The following CELF2 variants were observed in gnomAD, a reference collection of about 807,000 sequenced individuals.
CELF2 encodes CUGBP Elav-like family member 2.
In CELF2, 8 loss-of-function variants were observed where a neutral mutation model predicts 62.6. The ratio of observed to expected loss-of-function variants is 0.13; its 90% CI spans 0.07 to 0.23. CELF2 has a LOEUF of 0.23. Among genes scored for constraint, CELF2 ranks in the 10% least tolerant of loss-of-function variants. CELF2 has a pLI of 1.00. For missense variants in CELF2, 333 were observed against 671.0 expected, an observed-to-expected ratio of 0.50 and a Z score of 5.56; for synonymous variants, 258 against 250.0, an observed-to-expected ratio of 1.03 and a Z score of -0.30.
the CELF2 span, among the ~76,000 whole-genome samples, chr10:10,481,746 T>C: frequency 6.6e-6 from 1 of 152,214 alleles, no homozygotes; most frequent in Admixed American, 6.5e-5. Flanking sequence ...TGTGTGATGA[T>C]TTTTTCCCTT....
rs1268991054 is a variant in CELF2 at position 11,333,431 on chromosome 10, A to G, written c.*4378A>G. ...AATTAGAGAATTGTGATACAATGGC[A>G]GTCCTCAAAGGCGTAACGAGTTCAT... On this transcript the variant is annotated 3_prime_UTR_variant, in exon 13 of 13. Coordinates refer to ENST00000633077, the MANE Select transcript of CELF2 (RefSeq NM_001326342.2). 1.3e-5 allele frequency: 2 copies of G among 152,638 alleles called. No individual in the cohort carries two copies. The highest frequency in any genetic ancestry group is 2.9e-5 in the Non-Finnish European group (2 of 68,038). The allele number at this position is 152,638 out of a possible 1,614,324, so 9.5% of individuals were successfully genotyped here.
At chr10:11,109,183 G>A (rs754430862) in intron 1 of CELF2, among the ~76,000 whole-genome samples, 3 of 152,220 alleles carry the variant, frequency 2.0e-5, no homozygotes, top group Non-Finnish European at 4.4e-5. Context: ...GTGGCAGTAA[G>A]TTACGGATCC....
chr10:10,651,728 C>G, the CELF2 span, among the ~76,000 whole-genome samples: 2 of 151,748 alleles, frequency 1.3e-5, no homozygotes, highest in East Asian at 3.9e-4. Flanking sequence ...TGTACATCAC[C>G]ATCATCAAAG....
intron 2 of CELF2, among the ~76,000 whole-genome samples, chr10:10,974,588 G>T (rs779901281): frequency 3.9e-5 from 6 of 152,190 alleles, no homozygotes; most frequent in Non-Finnish European, 7.3e-5. Flanking sequence ...AGAATTTCAG[G>T]TTTTAAACAG....
chr10:10,666,430 T>C, the CELF2 span, among the ~76,000 whole-genome samples: 2 of 152,208 alleles, frequency 1.3e-5, no homozygotes, highest in Non-Finnish European at 2.9e-5. Flanking sequence ...ACACCATTTC[T>C]GCCCTTAAGC....
chr10:10,768,677 G>A, the CELF2 span, among the ~76,000 whole-genome samples: 1 of 151,270 alleles, frequency 6.6e-6, no homozygotes, highest in Admixed American at 6.6e-5. Flanking sequence ...GGGTTCAAGC[G>A]ATTCTCCTGC....
chr10:10,855,474 C>G (rs556479873), intron 1 of CELF2, among the ~76,000 whole-genome samples: 1 of 152,190 alleles, frequency 6.6e-6, no homozygotes, highest in African/African-American at 2.4e-5. Context: ...TGCCCTGTCA[C>G]CAAAGGCTAG....
intron 8 of CELF2, among the ~76,000 whole-genome samples, chr10:11,276,287 T>C (rs539943547): frequency 1.3e-5 from 2 of 152,194 alleles, no homozygotes; most frequent in Non-Finnish European, 2.9e-5. Context: ...CCTTGGCCTG[T>C]AGTAAAAATA....
Position 11,086,578 on chromosome 10 carries a change from TAAAAAAAAAAAAAAAAAA to T in CELF2, c.74+68430_74+68447del, listed in dbSNP as rs1168932032. The stretch of plus-strand genomic sequence containing the variant: ...AATCCATGTCTCCATTTGCATTTGT[TAAAAAAAAAAAAAAAAAA>T]AAAAAAAAAAAAAACTCCCGACAGC... On this transcript the variant is annotated intron_variant, in intron 1 of 12. Transcript: ENST00000633077. Among the ~76,000 whole-genome samples the T allele has an allele frequency of 8.3e-5, 6 of 71,982 alleles. 1 individual carries two copies. The highest frequency in any genetic ancestry group is 8.7e-4 in the South Asian group (1 of 1,156). The allele number at this position is 71,982 out of a possible 152,430, so 47.2% of individuals were successfully genotyped here. A position where few individuals can be genotyped will look rare whatever the true frequency, so the allele number is the denominator to read the frequency against.
chr10:11,200,843 G>C (rs530242536), intron 2 of CELF2, among the ~76,000 whole-genome samples: 381 of 152,322 alleles, frequency 2.5e-3, no homozygotes, highest in Admixed American at 5.7e-3. Flanking sequence ...GTCATTGTGG[G>C]CTGAGTCGCA....
intron 1 of CELF2, among the ~76,000 whole-genome samples, chr10:11,106,689 A>G (rs571204077): frequency 6.6e-6 from 1 of 152,396 alleles, no homozygotes; most frequent in Admixed American, 6.5e-5. Context: ...AAATTAACAT[A>G]AAGAGAACAA....
At chr10:10,842,181 C>G (rs998605218) in intron 1 of CELF2, among the ~76,000 whole-genome samples, 3 of 152,038 alleles carry the variant, frequency 2.0e-5, no homozygotes, top group African/African-American at 7.2e-5. Context: ...TTACTTCCAG[C>G]ATATTTTTGT....
chr10:10,575,761 G>T, the CELF2 span, among the ~76,000 whole-genome samples: 1 of 152,134 alleles, frequency 6.6e-6, no homozygotes, highest in African/African-American at 2.4e-5. Flanking sequence ...CAAAGAACAA[G>T]ATATTCACTC....
intron 12 of CELF2, among the ~76,000 whole-genome samples, chr10:11,326,285 G>C (rs2095719893): frequency 6.6e-6 from 1 of 152,312 alleles, no homozygotes; most frequent in Admixed American, 6.5e-5. Flanking sequence ...CCGTGGTTGT[G>C]GGCAACACCA....
the CELF2 span, among the ~76,000 whole-genome samples, chr10:10,699,342 A>G: frequency 6.6e-6 from 1 of 152,238 alleles, no homozygotes; most frequent in South Asian, 2.1e-4. Flanking sequence ...TGTGGGTCCC[A>G]TAAGGACTTC....
intron 1 of CELF2, among the ~76,000 whole-genome samples, chr10:10,830,927 A>G (rs984823218): frequency 4.6e-5 from 7 of 152,220 alleles, no homozygotes; most frequent in Non-Finnish European, 7.3e-5. Context: ...GTTAAAAACA[A>G]TAGATGACAC....
chr10:10,871,471 G>A (rs1448196431), intron 1 of CELF2, among the ~76,000 whole-genome samples: 1 of 152,076 alleles, frequency 6.6e-6, no homozygotes, highest in African/African-American at 2.4e-5. Flanking sequence ...AGCACACCTC[G>A]TGGAAGCTAC....
chr10:11,015,197 G>GT (rs1163382559), upstream of CELF2, among the ~76,000 whole-genome samples: 6 of 152,242 alleles, frequency 3.9e-5, no homozygotes, highest in East Asian at 1.2e-3. The surrounding 1 kb of genome is among the most constrained non-coding windows in gnomAD (Gnocchi z 4.8). Flanking sequence ...CTGTTGAGTT[G>GT]TTTTTAGATT....
At position 11,319,857 on chromosome 10, in the gene CELF2, C is replaced by T; in HGVS notation, c.1097-1332C>T. 1 of 471,114 alleles carries T rather than the reference C, an allele frequency of 2.1e-6. No homozygotes were observed. The highest frequency in any genetic ancestry group is 4.4e-6 in the Non-Finnish European group (1 of 227,036). 29.2% of individuals were successfully genotyped at this position (471,114 alleles called of 1,614,324 possible). ...AGAAGCACAAGTGGAGTAAACAGAA[C>T]ATTCCCCACCTGCTCTGTTAGGGCA... is the stretch of plus-strand genomic sequence containing the variant. On this transcript the variant is annotated intron_variant, in intron 10 of 12. Coordinates refer to ENST00000633077, the MANE Select transcript of CELF2 (RefSeq NM_001326342.2). This position sits in a 1 kb window ranked among gnomAD's most constrained non-coding sequence, Gnocchi z 4.4.
Sources: gnomAD v4.1 joint callset for allele counts (sites outside exome capture counted in the v4.1 genomes callset) on GRCh38, gnomAD v4.1.1 for gene constraint, Gnocchi (gnomAD v3.1) non-coding constraint, MANE v1.5 for transcripts, NCBI Gene and HGNC (gene_info 2026-07-23, HGNC 2026-07-21) for gene names.